Variants in CLIP4 observed in about 807,000 individuals in gnomAD.
The protein encoded by CLIP4 is CAP-Gly domain containing linker protein family member 4, also known as CAP-Gly domain-containing linker protein 4.
CLIP4 carries 47 observed loss-of-function variants against 73.1 expected under a neutral mutation model. The observed-to-expected ratio is 0.64, with a 90% CI of 0.51 to 0.82. The LOEUF (loss-of-function observed/expected upper bound fraction) is 0.82. Ranked by LOEUF, CLIP4 falls within the 40% of genes least tolerant of loss-of-function variation. The pLI, the probability that CLIP4 is intolerant of heterozygous loss-of-function variation, is 0.00. For synonymous variants in CLIP4, 306 were observed against 295.4 expected, an observed-to-expected ratio of 1.04 and a Z score of -0.37; for missense variants, 874 against 852.9, an observed-to-expected ratio of 1.02 and a Z score of -0.31.
chr2:29,131,543 G>T (rs938386575), intron 3 of CLIP4, 146 bp downstream of exon 3: 1 of 796,768 alleles, frequency 1.3e-6, no homozygotes, highest in Admixed American at 3.4e-5. Context: ...TTTTCATGGG[G>T]CAGTGAGTTA....
chr2:29,142,320 T>A (rs78525221), intron 6 of CLIP4, among the ~76,000 whole-genome samples: 1 of 151,772 alleles, frequency 6.6e-6, no homozygotes, highest in East Asian at 1.9e-4. Context: ...TTTTTTTTTT[T>A]AACAGAAGTT....
chr2:29,171,524 T>TC (rs1172235350), intron 14 of CLIP4, among the ~76,000 whole-genome samples: 1 of 149,686 alleles, frequency 6.7e-6, no homozygotes, highest in Non-Finnish European at 1.5e-5. Context: ...GGTTTTCCTT[T>TC]TTTTTTTTTT....
At chr2:29,161,118 G>A (rs1446596360) in intron 12 of CLIP4, among the ~76,000 whole-genome samples, 1 of 152,152 alleles carries the variant, frequency 6.6e-6, no homozygotes, top group Non-Finnish European at 1.5e-5. Flanking sequence ...GGGATTACAG[G>A]CATGCGCCAC....
intron 1 of CLIP4, among the ~76,000 whole-genome samples, chr2:29,105,784 G>A (rs1452119068): frequency 6.6e-6 from 1 of 152,186 alleles, no homozygotes; most frequent in Non-Finnish European, 1.5e-5. Flanking sequence ...TCCCCCATGT[G>A]AGGCTACACT....
Position 29,157,447 on chromosome 2 carries a change from C to T in CLIP4, c.1399+100C>T, listed in dbSNP as rs769877180. ...TTAAATGTGTAGAAGGAACCCTTTA[C>T]TTCAATCAGATTGAACTACTTTTAC... On this transcript the variant is annotated intron_variant, in intron 11 of 15. Transcript: ENST00000320081. The T allele has an allele frequency of 4.8e-5, 77 of 1,590,020 alleles. No individual in the cohort carries two copies. In the South Asian group the frequency reaches 5.9e-4, roughly 12 times the overall value.
At chr2:29,138,027 A>G (rs961566856) in intron 6 of CLIP4, among the ~76,000 whole-genome samples, 2 of 152,060 alleles carry the variant, frequency 1.3e-5, no homozygotes, top group Non-Finnish European at 2.9e-5. Context: ...CTGTTTGACA[A>G]TTTTTGTTTT....
chr2:29,106,185 TG>T (rs1044946705), intron 1 of CLIP4, among the ~76,000 whole-genome samples: 3 of 152,060 alleles, frequency 2.0e-5, no homozygotes, highest in African/African-American at 7.2e-5. Flanking sequence ...TTTCTCCAAC[TG>T]GAAAAAAATT....
At chr2:29,146,108 T>C (rs973914047) in intron 8 of CLIP4, among the ~76,000 whole-genome samples, 2 of 152,232 alleles carry the variant, frequency 1.3e-5, no homozygotes, top group Non-Finnish European at 2.9e-5. Context: ...GGGACTGGTC[T>C]CTTGGGTGGC....
At chr2:29,161,382 G>T (rs1381203635) in intron 12 of CLIP4, among the ~76,000 whole-genome samples, 3 of 151,994 alleles carry the variant, frequency 2.0e-5, no homozygotes, top group Non-Finnish European at 2.9e-5. Flanking sequence ...ACACATGGTG[G>T]CATTGCAGCA....
chr2:29,131,139 AT>A (rs78332192), intron 2 of CLIP4, 118 bp from the exon 3 acceptor site: 1,098 of 960,990 alleles, frequency 1.1e-3, no homozygotes, highest in Middle Eastern at 1.4e-3. Flanking sequence ...GATACTTCTG[AT>A]TTTTTTTTAG....
At chr2:29,137,265 G>A (rs1024962345) in intron 6 of CLIP4, among the ~76,000 whole-genome samples, 7 of 152,064 alleles carry the variant, frequency 4.6e-5, no homozygotes, top group African/African-American at 1.7e-4. Context: ...CCACTAATAA[G>A]TGAGAACATG....
intron 6 of CLIP4, among the ~76,000 whole-genome samples, chr2:29,141,825 T>C (rs1665788925): frequency 6.6e-6 from 1 of 152,204 alleles, no homozygotes; most frequent in South Asian, 2.1e-4. Flanking sequence ...AGGGTTAATA[T>C]TGATATGTGA....
intron 14 of CLIP4, among the ~76,000 whole-genome samples, chr2:29,168,067 C>G (rs1667744495): frequency 6.6e-6 from 1 of 152,178 alleles, no homozygotes; most frequent in South Asian, 2.1e-4. Context: ...TAATGCCTGT[C>G]TGTCTGTATT....
intron 8 of CLIP4, among the ~76,000 whole-genome samples, chr2:29,150,509 A>G (rs1666482593): frequency 6.6e-6 from 1 of 152,128 alleles, no homozygotes; most frequent in African/African-American, 2.4e-5. Flanking sequence ...CAAATCAGAA[A>G]AAGACTCCAT....
chr2:29,139,614 G>A (rs1023721777), intron 6 of CLIP4, among the ~76,000 whole-genome samples: 1 of 152,028 alleles, frequency 6.6e-6, no homozygotes, highest in Non-Finnish European at 1.5e-5. Flanking sequence ...TCGGTCCAGG[G>A]CTTTTTCTGG....
chr2:29,132,100 A>G (rs1665012531), intron 3 of CLIP4, 52 bp from the exon 4 acceptor site: 2 of 1,374,058 alleles, frequency 1.5e-6, no homozygotes, highest in African/African-American at 2.9e-5. Flanking sequence ...GTTTGAAAGC[A>G]ATAGGTACCT....
chr2:29,102,458 A>G (rs1668076684), intron 1 of CLIP4, among the ~76,000 whole-genome samples: 1 of 151,900 alleles, frequency 6.6e-6, no homozygotes, highest in African/African-American at 2.4e-5. Flanking sequence ...TTGCCACCTG[A>G]GTTCAGGTTG....
At position 29,160,402 on chromosome 2, in the gene CLIP4, G is replaced by C. The variant is rs372670391; in HGVS notation, c.1469G>C (p.Arg490Thr). The part of the protein sequence containing the change: ...RCEGELRLGE[R>T]VLVVGQRLGT... ...GAGGGGGAACTCCGCCTCGGAGAGA[G>C]AGTGTTAGTGGTAGGACAGAGACTG... The change falls in exon 12 of 16, where the codon AGA becomes ACA. Residue 490 changes from arginine to threonine, a missense_variant. By Grantham distance (71) the Arg-to-Thr change is moderately conservative. Coordinates refer to ENST00000320081, the MANE Select transcript of CLIP4 (RefSeq NM_024692.6). The C allele has an allele frequency of 3.1e-6, 5 of 1,614,080 alleles. No homozygotes were observed. The highest frequency in any genetic ancestry group is 4.2e-6 in the Non-Finnish European group (5 of 1,180,036).
chr2:29,162,138 T>A (rs1487425914), intron 12 of CLIP4, among the ~76,000 whole-genome samples: 1 of 152,234 alleles, frequency 6.6e-6, no homozygotes, highest in East Asian at 1.9e-4. Context: ...TCTGATGTTA[T>A]TAAACCAAGA....
Sources: gnomAD v4.1 joint callset for allele counts (sites outside exome capture counted in the v4.1 genomes callset) on GRCh38, gnomAD v4.1.1 for gene constraint, MANE v1.5 for transcripts, NCBI Gene and HGNC (gene_info 2026-07-23, HGNC 2026-07-21) for gene names.